The following RBFOX1 variants were observed in gnomAD, a reference collection of about 807,000 sequenced individuals.
RBFOX1 encodes the protein RNA binding fox-1 homolog 1.
In RBFOX1, 8 loss-of-function variants were observed where a neutral mutation model predicts 57.7. The observed-to-expected ratio is 0.14, with a 90% CI of 0.08 to 0.25. The LOEUF (loss-of-function observed/expected upper bound fraction) is 0.25. RBFOX1 is among the 10% of genes least tolerant of loss of function. The pLI, the probability that RBFOX1 is intolerant of heterozygous loss-of-function variation, is 1.00. For missense variants in RBFOX1, 611 were observed against 548.5 expected (o/e 1.11, Z -1.14); for synonymous variants, 326 against 222.4 (o/e 1.47, Z -4.15).
intron 4 of RBFOX1, among the ~76,000 whole-genome samples, chr16:7,315,341 A>G (rs2096411537): frequency 1.3e-5 from 2 of 152,162 alleles, no homozygotes; most frequent in Non-Finnish European, 2.9e-5. Context: ...CTTGAGTTAA[A>G]AAAGAAAGAT....
chr16:5,372,539 G>A (rs760058859), intron 1 of RBFOX1, among the ~76,000 whole-genome samples: 1 of 152,216 alleles, frequency 6.6e-6, no homozygotes, highest in Non-Finnish European at 1.5e-5. Context: ...ACACAGGTTG[G>A]CCTACACTTC....
chr16:6,494,252 T>C (rs1465877894), intron 2 of RBFOX1, among the ~76,000 whole-genome samples: 4 of 152,198 alleles, frequency 2.6e-5, no homozygotes, highest in African/African-American at 9.7e-5. Flanking sequence ...TATTTGTGTG[T>C]ATATATATTG....
intron 4 of RBFOX1, among the ~76,000 whole-genome samples, chr16:7,273,745 G>A (rs1012297736): frequency 6.6e-6 from 1 of 152,166 alleles, no homozygotes; most frequent in African/African-American, 2.4e-5. Flanking sequence ...CCATTCATCA[G>A]AATACAGTGG....
At chr16:6,289,824 C>A (rs1452005082) in intron 1 of RBFOX1, among the ~76,000 whole-genome samples, 1 of 152,044 alleles carries the variant, frequency 6.6e-6, no homozygotes, top group Non-Finnish European at 1.5e-5. Context: ...TAAAAGAGAG[C>A]AAATTGAATG....
At chr16:7,229,738 GGGAA>G in intron 4 of RBFOX1, among the ~76,000 whole-genome samples, 1 of 129,116 alleles carries the variant, frequency 7.7e-6, no homozygotes, top group African/African-American at 2.9e-5. Flanking sequence ...GGGAGGGAGG[GGGAA>G]GAAGGAAGGG....
At chr16:6,256,247 GTATATA>G (rs1202068255) in intron 1 of RBFOX1, among the ~76,000 whole-genome samples, 3 of 78,346 alleles carry the variant, frequency 3.8e-5, no homozygotes, top group African/African-American at 1.7e-4. Flanking sequence ...ATATATATAT[GTATATA>G]TATGTGTATA....
At chr16:5,911,875 C>T (rs1378136167) in intron 4 of RBFOX1, among the ~76,000 whole-genome samples, 3 of 152,140 alleles carry the variant, frequency 2.0e-5, no homozygotes, top group African/African-American at 4.8e-5. Flanking sequence ...CATACCCTCC[C>T]TAAAGCCCGA....
At chr16:5,599,069 A>T (rs1407143833) in exon 3 of RBFOX1, 1 of 1,019,292 alleles carries the variant, frequency 9.8e-7, no homozygotes, top group Non-Finnish European at 1.5e-6. Context: ...TTTTACCTGA[A>T]ACTGATCTTG....
intron 4 of RBFOX1, among the ~76,000 whole-genome samples, chr16:7,346,779 G>A (rs573706046): frequency 5.3e-5 from 8 of 152,214 alleles, no homozygotes; most frequent in African/African-American, 1.4e-4. Context: ...AGACCCATAC[G>A]ATCATGTGGG....
At chr16:5,419,019 T>TG (rs1172505850) in intron 1 of RBFOX1, among the ~76,000 whole-genome samples, 2 of 151,884 alleles carry the variant, frequency 1.3e-5, no homozygotes, top group African/African-American at 4.8e-5. Context: ...GAGAGCAAGG[T>TG]GGGGAAGGTA....
intron 4 of RBFOX1, among the ~76,000 whole-genome samples, chr16:7,210,097 G>T (rs898288838): frequency 2.0e-5 from 3 of 152,182 alleles, no homozygotes; most frequent in African/African-American, 4.8e-5. Flanking sequence ...TTTGCAGTGT[G>T]TGCATTGCTT....
intron 2 of RBFOX1, among the ~76,000 whole-genome samples, chr16:5,550,595 C>T (rs2045423057): frequency 6.6e-6 from 1 of 152,178 alleles, no homozygotes; most frequent in Non-Finnish European, 1.5e-5. Context: ...ATGATGTTGT[C>T]AATTCAATCA....
At chr16:7,054,296 G>GTGGT (rs1568562721) in intron 4 of RBFOX1, among the ~76,000 whole-genome samples, 1 of 128,048 alleles carries the variant, frequency 7.8e-6, no homozygotes. Flanking sequence ...CTGGAGTGCC[G>GTGGT]TGGCGCAATC....
At chr16:6,191,043 G>T (rs1285691075) in intron 1 of RBFOX1, among the ~76,000 whole-genome samples, 2 of 151,654 alleles carry the variant, frequency 1.3e-5, no homozygotes, top group Non-Finnish European at 2.9e-5. Context: ...CAAGGTCTGT[G>T]TGGTTCCTCT....
chr16:6,215,158 G>A (rs1287982170), intron 1 of RBFOX1, among the ~76,000 whole-genome samples: 4 of 137,336 alleles, frequency 2.9e-5, no homozygotes, highest in African/African-American at 1.1e-4. Context: ...GAGGGAGAGG[G>A]ACAGTGAGAG....
intron 3 of RBFOX1, among the ~76,000 whole-genome samples, chr16:6,821,440 T>A (rs538731729): frequency 6.6e-6 from 1 of 152,350 alleles, no homozygotes; most frequent in Admixed American, 6.5e-5. Context: ...AAGTGAACAA[T>A]TCAGTGGCAC....
chr16:7,375,057 T>C lies in RBFOX1; in HGVS notation c.28-143090T>C, dbSNP rs549419550. On this transcript the variant is annotated intron_variant, in intron 4 of 15. Coordinates refer to ENST00000550418, the MANE Select transcript of RBFOX1 (RefSeq NM_018723.4). ...CTTTGTTAGAGTAGATAGGCGTATG[T>C]TTCAGGAGGAGAAAGAACATTTTTT... Among the ~76,000 whole-genome samples the C allele has an allele frequency of 3.3e-4, 51 of 152,368 alleles. 1 individual carries two copies. The South Asian group carries it at 0.011, about 32-fold the overall frequency.
chr16:6,494,052 A>G lies in RBFOX1; in HGVS notation c.-63-160551A>G, dbSNP rs184839984. On this transcript the variant is annotated intron_variant, in intron 2 of 15. Transcript: ENST00000550418. The stretch of plus-strand genomic sequence containing the variant: ...CCTCATCTGCATTTAGGCTTTGGCA[A>G]TGTTCTTAATTGAAATTTTTACAGA... Among the ~76,000 whole-genome samples the G allele has an allele frequency of 9.2e-5, 14 of 151,962 alleles. 1 individual carries two copies. Among genetic ancestry groups the G allele is most frequent in the East Asian group, 3.9e-4 (2 of 5,186 alleles).
At chr16:6,210,361 C>CAAAAAAAAAAAAAAAAAAAAAAAAAAA (rs3064933) in intron 1 of RBFOX1, among the ~76,000 whole-genome samples, 3 of 61,450 alleles carry the variant, frequency 4.9e-5, no homozygotes, top group African/African-American at 9.2e-5. Flanking sequence ...AAAAAAACAC[C>CAAAAAAAAAAAAAAAAAAAAAAAAAAA]AAAAAAAAAA....
Sources: gnomAD v4.1 joint callset for allele counts (sites outside exome capture counted in the v4.1 genomes callset) on GRCh38, gnomAD v4.1.1 for gene constraint, MANE v1.5 for transcripts, NCBI Gene and HGNC (gene_info 2026-07-23, HGNC 2026-07-21) for gene names.